The following FCF1 variants were observed in gnomAD, a reference collection of about 807,000 sequenced individuals.
FCF1 encodes the protein FCF1 rRNA-processing protein.
A neutral mutation model predicts 32.5 loss-of-function variants in FCF1; 17 were observed. The observed-to-expected ratio is 0.52, with a 90% confidence interval of 0.36 to 0.78. The LOEUF is 0.78. Ranked by LOEUF, FCF1 falls within the 30% of genes least tolerant of loss-of-function variation. The probability of loss-of-function intolerance (pLI) is 0.00; values close to 1 mark genes in which losing one functional copy is unlikely to be tolerated. For missense variants in FCF1, 201 were observed against 241.1 expected (o/e 0.83, Z 1.10); for synonymous variants, 84 against 78.4 (o/e 1.07, Z -0.38).
intron 7 of FCF1, among the ~76,000 whole-genome samples, chr14:74,734,438 A>G (rs1251088161): frequency 6.6e-6 from 1 of 152,188 alleles, no homozygotes; most frequent in African/African-American, 2.4e-5. Flanking sequence ...ATTTAAATCA[A>G]GCTAATCTTT....
At chr14:74,721,689 TAAAG>T (rs998227923) in intron 4 of FCF1, among the ~76,000 whole-genome samples, 3 of 152,058 alleles carry the variant, frequency 2.0e-5, no homozygotes, top group Middle Eastern at 3.2e-3. Context: ...CAAAAAAAAA[TAAAG>T]AATGAATAAA....
Position 74,714,932 on chromosome 14 carries a change from G to A in FCF1, c.132G>A (p.Lys44=), listed in dbSNP as rs1012837082. The A allele has an allele frequency of 6.3e-7, 1 of 1,596,616 alleles. No individual in the cohort carries two copies. Among genetic ancestry groups the A allele is most frequent in the Non-Finnish European group, 8.5e-7 (1 of 1,174,364 alleles). Reference sequence around the variant, plus strand: ...AAAAGAAGGATCCCAGCGCATTAAAGGAAAGAGAAGTGTGAGTAATCAAAC... The same window carrying A: ...AAAAGAAGGATCCCAGCGCATTAAAAGAAAGAGAAGTGTGAGTAATCAAAC... ...KKEKKDPSAL[K]EREVPQHPSC... is the part of the protein sequence containing the mutation. Residue 44 remains lysine (K), a synonymous_variant, in exon 3 of 8, where the codon AAG becomes AAA. Transcript: ENST00000341162.
intron 3 of FCF1, chr14:74,715,543 A>G (rs1443330991): frequency 3.0e-6 from 1 of 334,358 alleles, no homozygotes; most frequent in Non-Finnish European, 5.8e-6. Flanking sequence ...TAATCCTAAC[A>G]CTAGACAAAC....
chr14:74,716,346 T>C (rs2090419981), intron 4 of FCF1, among the ~76,000 whole-genome samples: 1 of 152,226 alleles, frequency 6.6e-6, no homozygotes, highest in Non-Finnish European at 1.5e-5. Flanking sequence ...ACATCAATTT[T>C]GAACATAGGG....
At chr14:74,718,887 C>T (rs563135121) in intron 4 of FCF1, among the ~76,000 whole-genome samples, 3 of 152,034 alleles carry the variant, frequency 2.0e-5, no homozygotes, top group African/African-American at 7.2e-5. Flanking sequence ...GGGCCAGGTG[C>T]GGTGGTTCAC....
chr14:74,723,563 G>A (rs773478743), intron 5 of FCF1, among the ~76,000 whole-genome samples: 7 of 151,676 alleles, frequency 4.6e-5, no homozygotes, highest in East Asian at 1.9e-4. Context: ...GTCCGGGCTC[G>A]GTGGCCTGTA....
intron 4 of FCF1, 70 bp from the exon 5 acceptor site, chr14:74,723,202 A>G (rs1346996368): frequency 4.3e-5 from 49 of 1,129,446 alleles, no homozygotes; most frequent in Non-Finnish European, 5.9e-5. Flanking sequence ...TAAAACTCTG[A>G]GCAGGGATAT....
At chr14:74,720,505 C>T (rs2090486403) in intron 4 of FCF1, among the ~76,000 whole-genome samples, 1 of 152,194 alleles carries the variant, frequency 6.6e-6, no homozygotes, top group African/African-American at 2.4e-5. Context: ...ATTTATATTA[C>T]AGTTTGTATC....
At chr14:74,713,455 C>G in intron 1 of FCF1, 30 bp from the exon 2 acceptor site, 1 of 1,608,944 alleles carries the variant, frequency 6.2e-7, no homozygotes, top group East Asian at 2.2e-5. Context: ...GTGTTTCCAA[C>G]TTTTTTAATT....
Position 74,735,534 on chromosome 14 carries a change from C to G in FCF1, c.*604C>G, listed in dbSNP as rs1456290548. On this transcript the variant is annotated 3_prime_UTR_variant, in exon 8 of 8. Transcript: ENST00000341162. ...ATTATTATTCTGTTGACCTATTTGC[C>G]TTACTATGAGCTGAGGGTAGTTCAA... 1 of 151,192 alleles carries G rather than the reference C, an allele frequency of 6.6e-6. No individual in the cohort carries two copies. Among genetic ancestry groups the G allele is most frequent in the Non-Finnish European group, 1.5e-5 (1 of 68,044 alleles). 9.4% of individuals were successfully genotyped at this position (151,192 alleles called of 1,614,324 possible).
intron 4 of FCF1, among the ~76,000 whole-genome samples, chr14:74,718,055 G>A (rs529155696): frequency 3.9e-5 from 6 of 152,016 alleles, no homozygotes; most frequent in East Asian, 1.9e-4. Flanking sequence ...TCGTAGAGGC[G>A]GGTTTCACCA....
chr14:74,733,351 T>A (rs967634146), intron 6 of FCF1, among the ~76,000 whole-genome samples: 1 of 148,892 alleles, frequency 6.7e-6, no homozygotes, highest in Non-Finnish European at 1.5e-5. Context: ...AGGGCCTCTC[T>A]GCTGATGATA....
intron 4 of FCF1, among the ~76,000 whole-genome samples, chr14:74,721,428 C>T (rs758195706): frequency 2.0e-5 from 3 of 152,098 alleles, no homozygotes; most frequent in Non-Finnish European, 2.9e-5. Flanking sequence ...TGGCCGGGCA[C>T]GGTGGCTCAC....
rs1195887356 is a variant in FCF1, at chr14:74,737,038, T to C, written c.*2108T>C. ...ATGAATAGGTGCCTCCCCAGTAAATTAGGAATGGAAGATGAAGCATAGGAA... is the reference window on the plus strand; with the variant it reads ...ATGAATAGGTGCCTCCCCAGTAAATCAGGAATGGAAGATGAAGCATAGGAA... On this transcript the variant is annotated 3_prime_UTR_variant, in exon 8 of 8. Coordinates refer to ENST00000341162, the MANE Select transcript of FCF1 (RefSeq NM_015962.5). 6.6e-6 allele frequency: 1 copy of C among 152,056 alleles called. No homozygotes were observed. Among genetic ancestry groups the C allele is most frequent in the Non-Finnish European group, 1.5e-5 (1 of 68,040 alleles). The allele number at this position is 152,056 out of a possible 1,614,324, so 9.4% of individuals were successfully genotyped here. A position where few individuals can be genotyped will look rare whatever the true frequency, so the allele number is the denominator to read the frequency against.
intron 1 of FCF1, 135 bp from the exon 2 acceptor site, chr14:74,713,350 T>A: frequency 6.4e-7 from 1 of 1,571,426 alleles, no homozygotes; most frequent in South Asian, 1.1e-5. Flanking sequence ...CGGTGACTGT[T>A]ATGCTTTACA....
intron 5 of FCF1, among the ~76,000 whole-genome samples, chr14:74,727,430 C>T (rs2090589178): frequency 6.6e-6 from 1 of 152,098 alleles, no homozygotes; most frequent in Non-Finnish European, 1.5e-5. Context: ...TGTTCATGTC[C>T]TTCGCCCACT....
intron 4 of FCF1, among the ~76,000 whole-genome samples, 165 bp from the exon 5 acceptor site, chr14:74,723,107 C>T (rs531852858): frequency 6.6e-6 from 1 of 151,998 alleles, no homozygotes; most frequent in East Asian, 1.9e-4. Flanking sequence ...ATCTTAGTTT[C>T]TTAGGGTTTT....
Position 74,734,880 on chromosome 14 carries a change from A to G in FCF1, c.549-2A>G. ...CCGGTGTTGATTTTTTGTCCTGATC[A>G]GATACAACATTGAACGGATGCCAGA... On this transcript the variant is annotated splice_acceptor_variant, in intron 7 of 7. Transcript: ENST00000341162. LOFTEE classifies it high-confidence loss of function. 6.2e-7 allele frequency: 1 copy of G among 1,613,466 alleles called. No homozygotes were observed. Among genetic ancestry groups the G allele is most frequent in the Non-Finnish European group, 8.5e-7 (1 of 1,179,508 alleles).
intron 2 of FCF1, 128 bp downstream of exon 2, chr14:74,713,680 G>T (rs1377740802): frequency 2.6e-6 from 2 of 761,040 alleles, no homozygotes; most frequent in African/African-American, 3.5e-5. Flanking sequence ...TATAGCATGA[G>T]ATAGCCAGTG....
Sources: gnomAD v4.1 joint callset for allele counts (sites outside exome capture counted in the v4.1 genomes callset) on GRCh38, gnomAD v4.1.1 for gene constraint, MANE v1.5 for transcripts, NCBI Gene and HGNC (gene_info 2026-07-23, HGNC 2026-07-21) for gene names.